Variants in ROBO2 observed in about 807,000 individuals in gnomAD.
ROBO2 encodes the protein roundabout homolog 2.
Under a neutral mutation model 160.8 loss-of-function variants are expected in ROBO2, and 53 were observed. The ratio of observed to expected loss-of-function variants is 0.33; its 90% CI spans 0.26 to 0.41. The LOEUF (loss-of-function observed/expected upper bound fraction) is 0.41. ROBO2 is among the 10% of genes least tolerant of loss of function. ROBO2 has a pLI of 1.00. For synonymous variants in ROBO2, 664 were observed against 611.7 expected, an observed-to-expected ratio of 1.09 and a Z score of -1.26; for missense variants, 1,577 against 1,722.4, an observed-to-expected ratio of 0.92 and a Z score of 1.49.
chr3:77,032,858 T>A (rs1261972084), intron 2 of ROBO2, among the ~76,000 whole-genome samples: 1 of 152,146 alleles, frequency 6.6e-6, no homozygotes, highest in Non-Finnish European at 1.5e-5. Context: ...AATCTAGAAG[T>A]GCCTGGATTC....
At chr3:77,111,827 T>C (rs1372665552) in intron 2 of ROBO2, among the ~76,000 whole-genome samples, 1 of 152,210 alleles carries the variant, frequency 6.6e-6, no homozygotes, top group Non-Finnish European at 1.5e-5. Context: ...GCAATGCGTC[T>C]TGATCCTTTG....
chr3:77,440,741 A>C (rs2153553200), intron 2 of ROBO2, among the ~76,000 whole-genome samples: 1 of 152,356 alleles, frequency 6.6e-6, no homozygotes, highest in East Asian at 1.9e-4. Context: ...CTGGGAAAGA[A>C]GGAAAGTCTC....
At chr3:77,489,488 T>C (rs545222106) in intron 4 of ROBO2, among the ~76,000 whole-genome samples, 1 of 152,222 alleles carries the variant, frequency 6.6e-6, no homozygotes, top group Admixed American at 6.5e-5. Flanking sequence ...ATAAATCAAG[T>C]GCCTCCACGT....
intron 6 of ROBO2, among the ~76,000 whole-genome samples, chr3:77,534,093 G>T (rs1176628547): frequency 2.0e-5 from 3 of 152,088 alleles, no homozygotes; most frequent in Non-Finnish European, 4.4e-5. Flanking sequence ...AGTTATGTTG[G>T]TGTCCAGTGT....
chr3:76,183,341 C>G (rs1701600347), intron 2 of ROBO2, among the ~76,000 whole-genome samples: 1 of 152,072 alleles, frequency 6.6e-6, no homozygotes, highest in Non-Finnish European at 1.5e-5. Flanking sequence ...ATTGGTAAAG[C>G]AAGTTACTGA....
chr3:76,155,534 C>T (rs1027207156), intron 2 of ROBO2, among the ~76,000 whole-genome samples: 2 of 152,056 alleles, frequency 1.3e-5, no homozygotes, highest in South Asian at 2.1e-4. Flanking sequence ...TAAAACCAAA[C>T]AAGAAGGGAT....
At chr3:77,439,841 G>A (rs948047999) in intron 2 of ROBO2, among the ~76,000 whole-genome samples, 6 of 151,628 alleles carry the variant, frequency 4.0e-5, no homozygotes, top group African/African-American at 9.7e-5. Context: ...ACATTCTAAC[G>A]TGTTTTAGCT....
intron 2 of ROBO2, among the ~76,000 whole-genome samples, chr3:77,232,438 G>C (rs1163027074): frequency 6.6e-6 from 1 of 152,046 alleles, no homozygotes; most frequent in Non-Finnish European, 1.5e-5. Flanking sequence ...AGACAAGAAT[G>C]GTGAATCTGA....
At chr3:77,047,887 CA>C (rs916909572) in intron 1 of ROBO2, among the ~76,000 whole-genome samples, 14 of 150,760 alleles carry the variant, frequency 9.3e-5, no homozygotes, top group Non-Finnish European at 2.1e-4. Context: ...ACTAAAAATA[CA>C]AAAAAATAAT....
At chr3:77,375,861 T>A (rs1353891107) in intron 2 of ROBO2, among the ~76,000 whole-genome samples, 3 of 149,266 alleles carry the variant, frequency 2.0e-5, no homozygotes, top group Non-Finnish European at 4.5e-5. Flanking sequence ...AAAATAGTAC[T>A]GAAGTGCTCA....
chr3:76,965,924 T>TC (rs1172812790), intron 2 of ROBO2, among the ~76,000 whole-genome samples: 1 of 144,226 alleles, frequency 6.9e-6, no homozygotes, highest in African/African-American at 2.5e-5. Context: ...ATATTTTCTT[T>TC]TTTTTTTTTT....
chr3:76,324,691 A>G (rs918681395), intron 2 of ROBO2, among the ~76,000 whole-genome samples: 5 of 152,118 alleles, frequency 3.3e-5, no homozygotes, highest in Non-Finnish European at 4.4e-5. Context: ...TCTTGAAATC[A>G]TGAGTCCTTT....
intron 2 of ROBO2, among the ~76,000 whole-genome samples, chr3:75,996,203 T>A (rs1450174237): frequency 6.6e-6 from 1 of 152,166 alleles, no homozygotes; most frequent in Non-Finnish European, 1.5e-5. Flanking sequence ...CCCACCTAAA[T>A]CTCATCTTGA....
intron 2 of ROBO2, among the ~76,000 whole-genome samples, chr3:77,186,584 C>A (rs1359632031): frequency 6.6e-6 from 1 of 151,872 alleles, no homozygotes; most frequent in Non-Finnish European, 1.5e-5. Flanking sequence ...AGGACTTTTA[C>A]AAAACTAAGG....
chr3:77,078,234 C>T (rs1218741044), intron 1 of ROBO2, among the ~76,000 whole-genome samples: 6 of 152,140 alleles, frequency 3.9e-5, no homozygotes, highest in Non-Finnish European at 8.8e-5. Flanking sequence ...CGTTTATAAA[C>T]GTCCAGTTTA....
chr3:77,599,408 C>T (rs892775165), intron 19 of ROBO2, among the ~76,000 whole-genome samples: 2 of 148,876 alleles, frequency 1.3e-5, no homozygotes, highest in Admixed American at 6.9e-5. Context: ...GACATTTTCC[C>T]ACACCACATG....
intron 2 of ROBO2, among the ~76,000 whole-genome samples, chr3:76,352,672 A>G (rs1489448350): frequency 6.6e-6 from 1 of 151,918 alleles, no homozygotes; most frequent in African/African-American, 2.4e-5. Context: ...TGAATGATTG[A>G]TGAAGCGGCC....
intron 2 of ROBO2, among the ~76,000 whole-genome samples, chr3:76,272,801 TAAAA>T (rs1707558039): frequency 2.1e-5 from 1 of 46,874 alleles, no homozygotes; most frequent in Admixed American, 3.7e-4. Context: ...TATATATATA[TAAAA>T]TATATAATAT....
In ROBO2 at chr3:77,398,423, A is replaced by G; in HGVS notation, c.389-78991A>G. Among the ~76,000 whole-genome samples, 2 of 152,116 alleles carry G rather than the reference A, an allele frequency of 1.3e-5. 1 individual carries two copies. Among genetic ancestry groups the G allele is most frequent in the Admixed American group, 1.3e-4 (2 of 15,258 alleles). ...GAAACAATCAGAGAGATACAATCAG[A>G]GAGAAACAGGGAGACTGAATGTAGT... On this transcript the variant is annotated intron_variant, in intron 2 of 25. Coordinates refer to ENST00000461745, the Ensembl canonical transcript of ROBO2.
Sources: gnomAD v4.1 joint callset for allele counts (sites outside exome capture counted in the v4.1 genomes callset) on GRCh38, gnomAD v4.1.1 for gene constraint, MANE v1.5 for transcripts, NCBI Gene and HGNC (gene_info 2026-07-23, HGNC 2026-07-21) for gene names.